The following PADI1 variants were observed in gnomAD, a reference collection of about 807,000 sequenced individuals.
PADI1 encodes the protein peptidyl arginine deiminase 1, also known as protein-arginine deiminase type-1.
Under a neutral mutation model 74.8 loss-of-function variants are expected in PADI1, and 65 were observed. The ratio of observed to expected loss-of-function variants is 0.87; its 90% CI spans 0.71 to 1.07. PADI1 has a LOEUF of 1.07. Among genes scored for constraint, PADI1 ranks in the 50% least tolerant of loss-of-function variants. The probability of loss-of-function intolerance (pLI) is 0.00; values close to 1 mark genes in which losing one functional copy is unlikely to be tolerated. For missense variants in PADI1, 943 were observed against 854.0 expected, an observed-to-expected ratio of 1.10 and a Z score of -1.30; for synonymous variants, 371 against 336.2, an observed-to-expected ratio of 1.10 and a Z score of -1.13.
At position 17,224,438 on chromosome 1, in the gene PADI1, T is replaced by C. The variant is rs761864000; in HGVS notation, c.408+10T>C. On this transcript the variant is annotated intron_variant, in intron 4 of 15. Transcript: ENST00000375471. Reference sequence around the variant, plus strand: ...GAGCCAAGGGGACAAGGTGAGACCCTTCCGGGCACCCCAAGGCTGCGGGGT... The same window carrying C: ...GAGCCAAGGGGACAAGGTGAGACCCCTCCGGGCACCCCAAGGCTGCGGGGT... 2.5e-6 allele frequency: 4 copies of C among 1,610,966 alleles called. No homozygotes were observed. The highest frequency in any genetic ancestry group is 4.5e-5 in the East Asian group (2 of 44,776).
At position 17,235,790 on chromosome 1, in the gene PADI1, C is replaced by T. The variant is rs114179480; in HGVS notation, c.1314-1524C>T. Among the ~76,000 whole-genome samples, 824 of 152,272 alleles carry T rather than the reference C, an allele frequency of 5.4e-3. 5 individuals are homozygous for T. The highest frequency in any genetic ancestry group is 0.02 in the Middle Eastern group (6 of 294). On this transcript the variant is annotated intron_variant, in intron 11 of 15. Transcript: ENST00000375471. ...TCTATATCACACTGCAACACATGGA[C>T]ATCCTTACCTGTCTGCTCCCACAAG...
intron 11 of PADI1, among the ~76,000 whole-genome samples, chr1:17,233,778 A>G (rs1023483978): frequency 2.0e-5 from 3 of 152,240 alleles, no homozygotes; most frequent in Non-Finnish European, 4.4e-5. Context: ...TCTCCAGCCC[A>G]GAGGAGTCAG....
intron 1 of PADI1, among the ~76,000 whole-genome samples, chr1:17,207,159 G>T (rs2071707386): frequency 6.6e-6 from 1 of 152,192 alleles, no homozygotes; most frequent in Non-Finnish European, 1.5e-5. Flanking sequence ...ACACTGTGCT[G>T]CTAAGGCCAG....
In PADI1 at chr1:17,233,049, C is replaced by A. The variant is rs938676867; in HGVS notation, c.1313+79C>A. On this transcript the variant is annotated intron_variant, in intron 11 of 15. Coordinates refer to ENST00000375471, the MANE Select transcript of PADI1 (RefSeq NM_013358.3). ...ACCCTCCCTGTGCCCCCATCACAAA[C>A]ACAATTCCCCAGTCTGAGAAGTGAT... is the stretch of plus-strand genomic sequence containing the variant. The A allele has an allele frequency of 1.2e-5, 15 of 1,283,470 alleles. No individual in the cohort carries two copies. In the Admixed American group the frequency reaches 4.2e-4, roughly 36 times the overall value. 79.5% of individuals were successfully genotyped at this position (1,283,470 alleles called of 1,614,324 possible).
At chr1:17,228,596 C>A (rs778147085) in intron 6 of PADI1, 29 bp from the exon 7 acceptor site, 7 of 1,612,984 alleles carry the variant, frequency 4.3e-6, no homozygotes, top group Non-Finnish European at 5.9e-6. Context: ...CCTGTCTCCT[C>A]GCTAGCCCCT....
chr1:17,213,784 G>T (rs891241410), intron 1 of PADI1, among the ~76,000 whole-genome samples: 1 of 152,226 alleles, frequency 6.6e-6, no homozygotes, highest in Admixed American at 6.5e-5. Context: ...GGGTGAACCT[G>T]CACCTTACCA....
chr1:17,236,247 A>G (rs553091210), intron 11 of PADI1, among the ~76,000 whole-genome samples: 3 of 152,270 alleles, frequency 2.0e-5, no homozygotes, highest in Non-Finnish European at 2.9e-5. Flanking sequence ...ATGTATGAAT[A>G]TAGTATGAAT....
At chr1:17,212,790 C>T (rs2071867326) in intron 1 of PADI1, among the ~76,000 whole-genome samples, 1 of 152,188 alleles carries the variant, frequency 6.6e-6, no homozygotes, top group African/African-American at 2.4e-5. Context: ...GCAAGATGCT[C>T]CCTGGTCTCT....
intron 1 of PADI1, among the ~76,000 whole-genome samples, chr1:17,210,651 G>A (rs1409367690): frequency 6.6e-6 from 1 of 152,090 alleles, no homozygotes; most frequent in African/African-American, 2.4e-5. Context: ...TGTGAATGAG[G>A]GAGAAGACAG....
intron 3 of PADI1, among the ~76,000 whole-genome samples, 186 bp downstream of exon 3, chr1:17,223,879 G>A (rs1327385852): frequency 1.3e-5 from 2 of 152,194 alleles, no homozygotes; most frequent in African/African-American, 4.8e-5. Context: ...GCAGTCCTTA[G>A]GACCACAAGG....
At chr1:17,224,630 T>G (rs1240420800) in intron 4 of PADI1, among the ~76,000 whole-genome samples, 2 of 152,192 alleles carry the variant, frequency 1.3e-5, no homozygotes, top group Non-Finnish European at 2.9e-5. Context: ...GCTGTGTGAC[T>G]GCTGGAAAAC....
intron 13 of PADI1, 78 bp downstream of exon 13, chr1:17,238,787 C>A: frequency 4.7e-6 from 3 of 639,170 alleles, no homozygotes; most frequent in South Asian, 3.9e-5. Flanking sequence ...CCTGCACCTG[C>A]AGATCTCTCA....
At chr1:17,235,539 G>A (rs1226831600) in intron 11 of PADI1, among the ~76,000 whole-genome samples, 3 of 152,154 alleles carry the variant, frequency 2.0e-5, no homozygotes, top group Non-Finnish European at 4.4e-5. Context: ...TCATGGGGCA[G>A]TTCTCTCCTC....
chr1:17,216,488 G>T (rs539528775), intron 1 of PADI1, among the ~76,000 whole-genome samples: 3 of 152,304 alleles, frequency 2.0e-5, no homozygotes, highest in African/African-American at 7.2e-5. Context: ...ACAGACTTGC[G>T]GTGGGTTGGG....
chr1:17,240,520 G>T, intron 14 of PADI1, 115 bp from the exon 15 acceptor site: 1 of 1,162,900 alleles, frequency 8.6e-7, no homozygotes, highest in South Asian at 1.5e-5. Context: ...GCTGTTGTGA[G>T]GCTTGAAGGA....
intron 1 of PADI1, among the ~76,000 whole-genome samples, chr1:17,219,880 G>A (rs916584448): frequency 6.6e-6 from 1 of 152,056 alleles, no homozygotes; most frequent in Non-Finnish European, 1.5e-5. Flanking sequence ...TGCTATTGGG[G>A]GCAGGCTTCT....
rs756086225 is a variant in PADI1 at position 17,244,149 on chromosome 1, A to G, written c.1898A>G (p.Tyr633Cys). Reference sequence around the variant, plus strand: ...CTGCACTGCATCTTCATTGATGACTACTTGTCCTACCACGAGCTGCAGGGG... The same window carrying G: ...CTGCACTGCATCTTCATTGATGACTGCTTGTCCTACCACGAGCTGCAGGGG... ...LGLHCIFIDD[Y>C]LSYHELQGEI... is the part of the protein sequence containing the mutation. Residue 633 changes from tyrosine (Y) to cysteine (C), a missense_variant, in exon 16 of 16, where the codon TAC (tyrosine) becomes TGC (cysteine). Tyr to Cys is a radical substitution (Grantham distance 194). Coordinates refer to ENST00000375471, the MANE Select transcript of PADI1 (RefSeq NM_013358.3). The G allele has an allele frequency of 1.1e-5, 17 of 1,614,022 alleles. No homozygotes were observed. In the East Asian group the frequency reaches 2.9e-4, roughly 27 times the overall value.
At chr1:17,243,385 G>A (rs182363056) in intron 15 of PADI1, among the ~76,000 whole-genome samples, 42 of 152,338 alleles carry the variant, frequency 2.8e-4, no homozygotes, top group African/African-American at 1.0e-3. Flanking sequence ...ATGGATTTTG[G>A]CACCAGCCAG....
Position 17,230,596 on chromosome 1 carries a change from G to T in PADI1, c.1078G>T (p.Glu360Ter), listed in dbSNP as rs763570134. ...GGACGAGATGGAGTTTGGCTACATC[G>T]AGGCCCCTCACAAATCCTTCCCCGT... is the stretch of plus-strand genomic sequence containing the variant. ...IQDEMEFGYI[E>*]APHKSFPVVF... The change falls in exon 10 of 16, where the codon GAG (glutamate) becomes TAG (stop). Residue 360 changes from glutamate to a stop codon, truncating the protein, a stop_gained. Coordinates refer to ENST00000375471, the MANE Select transcript of PADI1 (RefSeq NM_013358.3). LOFTEE classifies it high-confidence loss of function. 1 of 1,611,650 alleles carries T rather than the reference G, an allele frequency of 6.2e-7. No homozygotes were observed. The highest frequency in any genetic ancestry group is 8.5e-7 in the Non-Finnish European group (1 of 1,178,880).
Sources: allele counts gnomAD v4.1 joint callset (sites outside exome capture counted in the v4.1 genomes callset), GRCh38; gene constraint gnomAD v4.1.1; transcripts MANE v1.5; gene names NCBI Gene and HGNC (gene_info 2026-07-23, HGNC 2026-07-21).